The following LRMDA variants were observed in gnomAD, a reference collection of about 807,000 sequenced individuals.
LRMDA encodes the protein leucine rich melanocyte differentiation associated.
In LRMDA, 18 loss-of-function variants were observed where a neutral mutation model predicts 29.8. The ratio of observed to expected loss-of-function variants is 0.60; its 90% confidence interval spans 0.42 to 0.90. LRMDA has a LOEUF of 0.90. Ranked by LOEUF, LRMDA falls within the 40% of genes least tolerant of loss-of-function variation. The pLI is 0.00. For missense variants in LRMDA, 273 were observed against 273.9 expected, an observed-to-expected ratio of 1.00 and a Z score of 0.02; for synonymous variants, 125 against 109.4, an observed-to-expected ratio of 1.14 and a Z score of -0.89.
chr10:75,923,748 T>G (rs1465517622), intron 2 of LRMDA, among the ~76,000 whole-genome samples: 1 of 152,126 alleles, frequency 6.6e-6, no homozygotes, highest in Non-Finnish European at 1.5e-5. Context: ...TTTTAAGGTG[T>G]CTTAAGACTC....
chr10:75,756,299 G>A (rs969622923), intron 2 of LRMDA, among the ~76,000 whole-genome samples: 2 of 152,204 alleles, frequency 1.3e-5, no homozygotes, highest in Admixed American at 6.5e-5. Flanking sequence ...AAAAGAGAGC[G>A]GGTGTTCCTT....
chr10:75,515,381 T>A (rs954381573), intron 2 of LRMDA, among the ~76,000 whole-genome samples: 3 of 152,114 alleles, frequency 2.0e-5, no homozygotes, highest in Non-Finnish European at 2.9e-5. Context: ...ATTAAAAAAA[T>A]TTTATTTTAG....
At chr10:76,486,302 T>A (rs989633559) in intron 6 of LRMDA, among the ~76,000 whole-genome samples, 1 of 151,948 alleles carries the variant, frequency 6.6e-6, no homozygotes, top group Admixed American at 6.6e-5. Context: ...CAGCCTTTTC[T>A]ATATTCCCTG....
At chr10:76,479,275 G>T (rs1842712343) in intron 6 of LRMDA, among the ~76,000 whole-genome samples, 1 of 151,840 alleles carries the variant, frequency 6.6e-6, no homozygotes, top group Non-Finnish European at 1.5e-5. Flanking sequence ...GGTCTTAGAG[G>T]AGGTACTAGG....
chr10:76,539,946 ACT>A (rs1270547876), intron 6 of LRMDA, among the ~76,000 whole-genome samples: 1 of 151,894 alleles, frequency 6.6e-6, no homozygotes, highest in Non-Finnish European at 1.5e-5. Context: ...GAATTGGGTG[ACT>A]CTGAGTTCTG....
intron 6 of LRMDA, among the ~76,000 whole-genome samples, chr10:76,372,385 G>A (rs1214352286): frequency 6.6e-6 from 1 of 152,064 alleles, no homozygotes; most frequent in African/African-American, 2.4e-5. Context: ...GGCTGAGCGG[G>A]GCAGATCATC....
Position 75,496,247 on chromosome 10 carries a change from ACC to A in LRMDA, c.131+57754_131+57755del, listed in dbSNP as rs145496126. ...GAGATTGGACTTTGGAGGTCTAGAGACCTGGGTTCAAATCCTCTTGCTAGATG... is the reference window on the plus strand; with the variant it reads ...GAGATTGGACTTTGGAGGTCTAGAGATGGGTTCAAATCCTCTTGCTAGATG... On this transcript the variant is annotated intron_variant, in intron 2 of 6. Coordinates refer to ENST00000611255, the MANE Select transcript of LRMDA (RefSeq NM_001305581.2). Among the ~76,000 whole-genome samples, 760 of 152,274 alleles carry A rather than the reference ACC, an allele frequency of 5.0e-3. 5 individuals are homozygous for A. Among genetic ancestry groups the A allele is most frequent in the African/African-American group, 0.017 (723 of 41,550 alleles).
chr10:76,091,678 C>T (rs1849234402), intron 5 of LRMDA, among the ~76,000 whole-genome samples: 1 of 152,014 alleles, frequency 6.6e-6, no homozygotes, highest in African/African-American at 2.4e-5. Flanking sequence ...CAACTCCCTT[C>T]ATCCCCAAAC....
At chr10:76,301,233 T>C (rs1399880437) in intron 5 of LRMDA, among the ~76,000 whole-genome samples, 1 of 152,244 alleles carries the variant, frequency 6.6e-6, no homozygotes, top group Non-Finnish European at 1.5e-5. Context: ...AATTAGAGCA[T>C]GTTTCTAATC....
At chr10:76,157,558 G>A (rs1471058934) in intron 5 of LRMDA, among the ~76,000 whole-genome samples, 1 of 152,042 alleles carries the variant, frequency 6.6e-6, no homozygotes, top group Non-Finnish European at 1.5e-5. Flanking sequence ...AGGCTGCAAT[G>A]AGCTATGAGT....
At chr10:76,026,709 C>T (rs1250205540) in intron 2 of LRMDA, among the ~76,000 whole-genome samples, 1 of 152,140 alleles carries the variant, frequency 6.6e-6, no homozygotes, top group Non-Finnish European at 1.5e-5. Flanking sequence ...ACCAGACTGA[C>T]TCTTAAGGGA....
chr10:75,648,759 C>G (rs1256284549), intron 2 of LRMDA, among the ~76,000 whole-genome samples: 2 of 152,128 alleles, frequency 1.3e-5, no homozygotes, highest in Admixed American at 1.3e-4. Context: ...GGGGAAGGAG[C>G]AGGTAACTAA....
At chr10:75,995,009 G>T (rs759250257) in intron 2 of LRMDA, among the ~76,000 whole-genome samples, 2 of 152,058 alleles carry the variant, frequency 1.3e-5, no homozygotes, top group Non-Finnish European at 2.9e-5. Flanking sequence ...CTTTATCTGG[G>T]TGGTTTTTCC....
At chr10:76,555,333 A>G (rs1843543057) in intron 6 of LRMDA, among the ~76,000 whole-genome samples, 1 of 152,196 alleles carries the variant, frequency 6.6e-6, no homozygotes, top group Non-Finnish European at 1.5e-5. Flanking sequence ...TCCAAGCTCA[A>G]AGTTTCCAGG....
chr10:75,976,787 A>G (rs1420715030), intron 2 of LRMDA, among the ~76,000 whole-genome samples: 1 of 152,224 alleles, frequency 6.6e-6, no homozygotes, highest in Non-Finnish European at 1.5e-5. Flanking sequence ...TCAAGGGCAT[A>G]CAGCTAGTAA....
intron 6 of LRMDA, among the ~76,000 whole-genome samples, chr10:76,399,118 C>T (rs1457417719): frequency 6.6e-6 from 1 of 152,112 alleles, no homozygotes; most frequent in African/African-American, 2.4e-5. Context: ...GCTCAGTTTT[C>T]TCATCTGCAA....
At chr10:75,995,323 G>A (rs1045154666) in intron 2 of LRMDA, among the ~76,000 whole-genome samples, 5 of 152,152 alleles carry the variant, frequency 3.3e-5, no homozygotes, top group Admixed American at 6.5e-5. Context: ...ACCTTCTCTT[G>A]AGAGAACCCC....
At chr10:75,952,185 C>G (rs950129538) in intron 2 of LRMDA, among the ~76,000 whole-genome samples, 3 of 152,136 alleles carry the variant, frequency 2.0e-5, no homozygotes, top group African/African-American at 7.2e-5. Context: ...CCTCCCACCC[C>G]GACCCCGCCG....
chr10:76,351,452 T>C (rs1841175564), intron 6 of LRMDA, among the ~76,000 whole-genome samples: 1 of 152,120 alleles, frequency 6.6e-6, no homozygotes, highest in Admixed American at 6.5e-5. Context: ...TACTTCTGAG[T>C]ATCCTACTAT....
Sources: gnomAD v4.1 joint callset for allele counts (sites outside exome capture counted in the v4.1 genomes callset) on GRCh38, gnomAD v4.1.1 for gene constraint, MANE v1.5 for transcripts, NCBI Gene and HGNC (gene_info 2026-07-23, HGNC 2026-07-21) for gene names.